The following BCL2L12 variants were observed in gnomAD, a reference collection of about 807,000 sequenced individuals.
BCL2L12 encodes bcl-2-like protein 12.
In BCL2L12, 27 loss-of-function variants were observed where a neutral mutation model predicts 25.7. The ratio of observed to expected loss-of-function variants is 1.05; its 90% CI spans 0.78 to 1.45. The LOEUF (loss-of-function observed/expected upper bound fraction) is 1.45. Ranked by LOEUF, BCL2L12 falls within the 40% of genes most tolerant of loss-of-function variation. BCL2L12 has a pLI of 0.00. For synonymous variants in BCL2L12, 132 were observed against 145.6 expected, an observed-to-expected ratio of 0.91 and a Z score of 0.67; for missense variants, 302 against 329.8, an observed-to-expected ratio of 0.92 and a Z score of 0.65.
Position 49,670,359 on chromosome 19 carries a change from G to A in BCL2L12, c.573G>A (p.Glu191=). The A allele has an allele frequency of 6.3e-7, 1 of 1,589,552 alleles. No individual in the cohort carries two copies. Among genetic ancestry groups the A allele is most frequent in the African/African-American group, 1.3e-5 (1 of 74,472 alleles). ...ACPGPPPPSP[E]PLARLALAME... is the part of the protein sequence containing the mutation. Reference sequence around the variant, plus strand: ...CCGGGCCCCCGCCTCCTTCCCCGGAGCCCCTGGCCCGCCTGGCCCTAGCCA... The same window carrying A: ...CCGGGCCCCCGCCTCCTTCCCCGGAACCCCTGGCCCGCCTGGCCCTAGCCA... The change falls in exon 6 of 7, where the codon GAG becomes GAA. Residue 191 remains glutamate (E), a synonymous_variant. Transcript: ENST00000246784.
At position 49,670,212 on chromosome 19, in the gene BCL2L12, A is replaced by T; in HGVS notation, c.430-4A>T. On this transcript the variant is annotated splice_region_variant and splice_polypyrimidine_tract_variant and intron_variant, in intron 5 of 6. Coordinates refer to ENST00000246784, the MANE Select transcript of BCL2L12 (RefSeq NM_138639.2). ...ACGCGGACCCTGCCTCTTCCACCCT[A>T]CAGCTGGCCTCGGACCCCGCCCTGC... The T allele has an allele frequency of 6.2e-7, 1 of 1,602,618 alleles. No homozygotes were observed. The highest frequency in any genetic ancestry group is 8.5e-7 in the Non-Finnish European group (1 of 1,178,904).
At chr19:49,670,181 C>G (rs1412331848) in intron 5 of BCL2L12, 35 bp from the exon 6 acceptor site, 2 of 1,587,768 alleles carry the variant, frequency 1.3e-6, no homozygotes, top group East Asian at 4.5e-5. Flanking sequence ...CCCGGGGGCG[C>G]TGCTGACGCG....
At position 49,666,060 on chromosome 19, in the gene BCL2L12, C is replaced by A; in HGVS notation, c.-16C>A. The A allele has an allele frequency of 6.5e-7, 1 of 1,548,392 alleles. No homozygotes were observed. The highest frequency in any genetic ancestry group is 8.7e-7 in the Non-Finnish European group (1 of 1,143,856). ...AGTGGAGGAGGCGGCGGTGGGGCCC[C>A]GGACCAGGTCAGCGGGGTGTTGACG... On this transcript the variant is annotated 5_prime_UTR_variant, in exon 1 of 7. Coordinates refer to ENST00000246784, the MANE Select transcript of BCL2L12 (RefSeq NM_138639.2).
Position 49,670,263 on chromosome 19 carries a change from C to A in BCL2L12, c.477C>A (p.Ser159=), listed in dbSNP as rs1330957622. 2.5e-6 allele frequency: 4 copies of A among 1,610,396 alleles called. No homozygotes were observed. The highest frequency in any genetic ancestry group is 3.4e-6 in the Non-Finnish European group (4 of 1,179,624). Residue 159 remains serine (S), a synonymous_variant, in exon 6 of 7, where the codon TCC becomes TCA. Coordinates refer to ENST00000246784, the MANE Select transcript of BCL2L12 (RefSeq NM_138639.2). ...ALRSKLVRLS[S]DSFARLVELF... ...GCAGCAAGCTGGTCCGCCTGTCCTC[C>A]GACTCTTTCGCCCGCCTGGTGGAGC...
intron 3 of BCL2L12, among the ~76,000 whole-genome samples, chr19:49,668,092 C>CTT (rs764611836): frequency 1.2e-4 from 15 of 125,370 alleles, no homozygotes; most frequent in East Asian, 7.3e-4. Flanking sequence ...CTCTGACATT[C>CTT]TTTTTTTTTT....
At chr19:49,667,234 TA>T (rs1489290558) in intron 3 of BCL2L12, 73 bp downstream of exon 3, 1 of 1,569,684 alleles carries the variant, frequency 6.4e-7, no homozygotes, top group East Asian at 2.3e-5. Flanking sequence ...ATCACTCAGC[TA>T]GGGGGTGGCT....
In BCL2L12 at chr19:49,673,888, A is replaced by G. The variant is rs1215585553; in HGVS notation, c.*140A>G. 4 of 903,142 alleles carry G rather than the reference A, an allele frequency of 4.4e-6. No individual in the cohort carries two copies. The Admixed American group carries it at 8.3e-5, about 19-fold the overall frequency. The allele number at this position is 903,142 out of a possible 1,614,324, so 55.9% of individuals were successfully genotyped here. A position where few individuals can be genotyped will look rare whatever the true frequency, so the allele number is the denominator to read the frequency against. Reference sequence around the variant, plus strand: ...TTTTGCCAAAAATAAATTGTTTAAAACTTTTCTTATTAAAAACGTTACAAA... The same window carrying G: ...TTTTGCCAAAAATAAATTGTTTAAAGCTTTTCTTATTAAAAACGTTACAAA... On this transcript the variant is annotated 3_prime_UTR_variant, in exon 7 of 7. Coordinates refer to ENST00000246784, the MANE Select transcript of BCL2L12 (RefSeq NM_138639.2).
chr19:49,665,218 C>T (rs1301088635), upstream of BCL2L12: 1 of 230,494 alleles, frequency 4.3e-6, no homozygotes, highest in Non-Finnish European at 8.7e-6. Flanking sequence ...ACGTGTAAGC[C>T]TCTACCTCCT....
chr19:49,669,135 C>G lies in BCL2L12; in HGVS notation c.429+20C>G, dbSNP rs765071730. 1 of 1,612,336 alleles carries G rather than the reference C, an allele frequency of 6.2e-7. No homozygotes were observed. Among genetic ancestry groups the G allele is most frequent in the Non-Finnish European group, 8.5e-7 (1 of 1,179,242 alleles). ...CAGAAGGTGATGGGCATCTGTCCCA[C>G]TCCTTGGCAAGGACAGGAGTTGCGG... is the stretch of plus-strand genomic sequence containing the variant. On this transcript the variant is annotated intron_variant, in intron 5 of 6. Coordinates refer to ENST00000246784, the MANE Select transcript of BCL2L12 (RefSeq NM_138639.2).
Position 49,666,777 on chromosome 19 carries a change from T to C in BCL2L12, c.85T>C (p.Ser29Pro). Residue 29 changes from serine to proline, a missense_variant, in exon 2 of 7, where the codon TCT (serine) becomes CCT (proline). Physicochemically the swap from Ser to Pro is moderately conservative, Grantham distance 74 (BLOSUM62 -1). Transcript: ENST00000246784. ...AFLRRGEAAG[S>P]PVPTPPRSPA... is the part of the protein sequence containing the mutation. ...CCTTAGGCGTGGTGAGGCTGCCGGG[T>C]CTCCTGTTCCAACTCCACCTAGGTA... 1 of 1,559,358 alleles carries C rather than the reference T, an allele frequency of 6.4e-7. No individual in the cohort carries two copies. Among genetic ancestry groups the C allele is most frequent in the Non-Finnish European group, 8.7e-7 (1 of 1,151,066 alleles).
chr19:49,665,552 C>T (rs1469640305), upstream of BCL2L12: 5 of 419,458 alleles, frequency 1.2e-5, no homozygotes, highest in South Asian at 3.6e-5. Flanking sequence ...TGCCTTTCCA[C>T]TCTCCGTGCA....
At chr19:49,669,994 C>G (rs1230769898) in intron 5 of BCL2L12, among the ~76,000 whole-genome samples, 1 of 152,178 alleles carries the variant, frequency 6.6e-6, no homozygotes, top group Non-Finnish European at 1.5e-5. Flanking sequence ...GCTGTTGAGG[C>G]AAGGGCCTGG....
chr19:49,670,274 C>G lies in BCL2L12; in HGVS notation c.488C>G (p.Ala163Gly). Residue 163 changes from alanine to glycine, a missense_variant, in exon 6 of 7, where the codon GCC (alanine) becomes GGC (glycine). Transcript: ENST00000246784. ...GTCCGCCTGTCCTCCGACTCTTTCG[C>G]CCGCCTGGTGGAGCTGTTCTGTAGC... is the stretch of plus-strand genomic sequence containing the variant. ...KLVRLSSDSFARLVELFCSRD... is the reference protein window; with the variant it reads ...KLVRLSSDSFGRLVELFCSRD... The G allele has an allele frequency of 6.2e-7, 1 of 1,611,148 alleles. No homozygotes were observed. The highest frequency in any genetic ancestry group is 8.5e-7 in the Non-Finnish European group (1 of 1,179,598).
intron 5 of BCL2L12, among the ~76,000 whole-genome samples, chr19:49,669,781 A>G (rs1301629978): frequency 2.0e-5 from 3 of 152,036 alleles, no homozygotes; most frequent in Admixed American, 1.3e-4. Flanking sequence ...AATGTAGGGG[A>G]AAATGTACTA....
intron 5 of BCL2L12, among the ~76,000 whole-genome samples, chr19:49,669,574 G>T (rs943304656): frequency 1.3e-5 from 2 of 151,816 alleles, no homozygotes; most frequent in African/African-American, 2.4e-5. Flanking sequence ...AATGACAGGG[G>T]TATGGTTAGG....
chr19:49,666,342 A>G (rs2081759606), intron 1 of BCL2L12, among the ~76,000 whole-genome samples: 1 of 152,178 alleles, frequency 6.6e-6, no homozygotes, highest in African/African-American at 2.4e-5. Flanking sequence ...TATAGAATCC[A>G]GGAGTTGGGG....
At chr19:49,669,890 G>A (rs2081917123) in intron 5 of BCL2L12, among the ~76,000 whole-genome samples, 1 of 152,124 alleles carries the variant, frequency 6.6e-6, no homozygotes, top group Non-Finnish European at 1.5e-5. Flanking sequence ...ATGGTAGAGG[G>A]CAAGATTGTT....
chr19:49,667,910 G>T (rs1370812986), intron 3 of BCL2L12, among the ~76,000 whole-genome samples: 1 of 150,728 alleles, frequency 6.6e-6, no homozygotes, highest in Admixed American at 6.6e-5. Flanking sequence ...CCTCCCGAGT[G>T]ACTGGGATTA....
chr19:49,671,866 G>A (rs1039243117), intron 6 of BCL2L12, among the ~76,000 whole-genome samples: 1 of 152,036 alleles, frequency 6.6e-6, no homozygotes, highest in African/African-American at 2.4e-5. Context: ...CACCCCCAAC[G>A]AGGCCTTCCC....
Sources: allele counts gnomAD v4.1 joint callset (sites outside exome capture counted in the v4.1 genomes callset), GRCh38; gene constraint gnomAD v4.1.1; transcripts MANE v1.5; gene names NCBI Gene and HGNC (gene_info 2026-07-23, HGNC 2026-07-21).